TFPI: variants seen among roughly 807,000 people sequenced by gnomAD.
TFPI encodes anti-convertin.
Under a neutral mutation model 34.6 loss-of-function variants are expected in TFPI, and 15 were observed. That is an observed-to-expected ratio of 0.43 (90% CI 0.29 to 0.67). The LOEUF is 0.67. Ranked by LOEUF, TFPI falls within the 30% of genes least tolerant of loss-of-function variation. The pLI is 0.15. For synonymous variants in TFPI, 105 were observed against 120.1 expected, an observed-to-expected ratio of 0.87 and a Z score of 0.82; for missense variants, 301 against 364.0, an observed-to-expected ratio of 0.83 and a Z score of 1.41.
intron 7 of TFPI, among the ~76,000 whole-genome samples, chr2:187,467,378 C>CTAAG (rs1224842235): frequency 2.0e-5 from 3 of 151,878 alleles, no homozygotes; most frequent in Non-Finnish European, 2.9e-5. Context: ...TTTTTATACT[C>CTAAG]TTCTTAGTCT....
intron 6 of TFPI, chr2:187,478,630 A>G (rs776930388): frequency 1.9e-6 from 3 of 1,591,566 alleles, no homozygotes; most frequent in Non-Finnish European, 2.6e-6. Context: ...TATCAAAGGC[A>G]TCACGTATAC....
At chr2:187,472,300 A>G (rs373451841) in intron 6 of TFPI, among the ~76,000 whole-genome samples, 1 of 152,194 alleles carries the variant, frequency 6.6e-6, no homozygotes, top group Admixed American at 6.5e-5. Flanking sequence ...TCAAATGGAC[A>G]TATGGATTAT....
intron 1 of TFPI, among the ~76,000 whole-genome samples, chr2:187,536,844 T>G (rs1409111658): frequency 6.6e-6 from 1 of 152,206 alleles, no homozygotes; most frequent in East Asian, 1.9e-4. Context: ...CACCATCATC[T>G]CAGTCCAAAA....
rs1330006832 is a variant in TFPI at position 187,467,893 on chromosome 2, C to T, written c.668G>A (p.Arg223Lys). 1.9e-6 allele frequency: 3 copies of T among 1,608,072 alleles called. No homozygotes were observed. Among genetic ancestry groups the T allele is most frequent in the East Asian group, 4.5e-5 (2 of 44,648 alleles). Residue 223 changes from arginine (R) to lysine (K), a missense_variant, in exon 7 of 8, where the codon AGA becomes AAA. Arg to Lys is a conservative substitution (Grantham distance 26). Coordinates refer to ENST00000233156, the MANE Select transcript of TFPI (RefSeq NM_006287.6). ...GPSWCLTPAD[R>K]GLCRANENRF... Reference sequence around the variant, plus strand: ...GTTCTCATTGGCACGACACAATCCTCTGTCTGCTGGAGTGAGACACCATGA... The same window carrying T: ...GTTCTCATTGGCACGACACAATCCTTTGTCTGCTGGAGTGAGACACCATGA...
intron 1 of TFPI, chr2:187,515,804 A>C (rs1686965212): frequency 6.6e-6 from 1 of 152,206 alleles, no homozygotes; most frequent in Non-Finnish European, 1.5e-5. Context: ...GTTTAATGCT[A>C]TTCTATACAA....
chr2:187,551,047 G>A (rs1689077824), intron 1 of TFPI, among the ~76,000 whole-genome samples: 1 of 152,106 alleles, frequency 6.6e-6, no homozygotes, highest in African/African-American at 2.4e-5. Context: ...AAGGCACATT[G>A]TGCTTGGTAA....
At chr2:187,507,488 A>G (rs2106140269) in intron 1 of TFPI, among the ~76,000 whole-genome samples, 1 of 152,302 alleles carries the variant, frequency 6.6e-6, no homozygotes, top group East Asian at 1.9e-4. Context: ...ACTCCCAACA[A>G]CAGTATAAAA....
chr2:187,478,556 G>C (rs1199429503), intron 6 of TFPI: 25 of 1,312,368 alleles, frequency 1.9e-5, no homozygotes, highest in Non-Finnish European at 2.5e-5. Flanking sequence ...ATTTACAAGT[G>C]AGGTGCAGTG....
intron 7 of TFPI, 69 bp downstream of exon 7, chr2:187,467,684 T>G: frequency 7.5e-7 from 1 of 1,330,950 alleles, no homozygotes; most frequent in East Asian, 2.5e-5. Flanking sequence ...CATATCTTAA[T>G]AGATTATCAT....
chr2:187,475,843 A>C (rs1692338081), intron 6 of TFPI, among the ~76,000 whole-genome samples: 1 of 152,208 alleles, frequency 6.6e-6, no homozygotes, highest in Non-Finnish European at 1.5e-5. Flanking sequence ...GATAAAAATA[A>C]AATTGTCACA....
chr2:187,481,083 T>G (rs955286457), intron 6 of TFPI, among the ~76,000 whole-genome samples: 10 of 152,034 alleles, frequency 6.6e-5, no homozygotes, highest in African/African-American at 2.4e-4. Context: ...ATATTTCACT[T>G]AATAATAATT....
At chr2:187,529,050 A>G (rs1024403240) in intron 1 of TFPI, among the ~76,000 whole-genome samples, 1 of 152,170 alleles carries the variant, frequency 6.6e-6, no homozygotes, top group African/African-American at 2.4e-5. Flanking sequence ...CTGAACATAC[A>G]ATATTATAAA....
intron 1 of TFPI, among the ~76,000 whole-genome samples, chr2:187,521,550 C>T (rs577275276): frequency 4.6e-5 from 7 of 152,098 alleles, no homozygotes; most frequent in South Asian, 2.1e-4. Flanking sequence ...TTTACATCCC[C>T]GCCAACAATT....
intron 1 of TFPI, among the ~76,000 whole-genome samples, chr2:187,508,937 A>C (rs1686426862): frequency 6.6e-6 from 1 of 152,170 alleles, no homozygotes; most frequent in Non-Finnish European, 1.5e-5. Flanking sequence ...TGAGTTTGTC[A>C]TAAATAGTTA....
At chr2:187,493,600 G>T (rs1685266736) in intron 3 of TFPI, among the ~76,000 whole-genome samples, 1 of 151,992 alleles carries the variant, frequency 6.6e-6, no homozygotes, top group African/African-American at 2.4e-5. Context: ...ATACTTTTAT[G>T]CTCTGTTTCT....
chr2:187,519,829 T>G (rs756928836), intron 1 of TFPI: 1 of 152,210 alleles, frequency 6.6e-6, no homozygotes, highest in Non-Finnish European at 1.5e-5. Context: ...TGCCTTTTTT[T>G]CCAGAGATGC....
chr2:187,524,909 T>A (rs1316380727), intron 1 of TFPI, among the ~76,000 whole-genome samples: 1 of 151,780 alleles, frequency 6.6e-6, no homozygotes, highest in African/African-American at 2.4e-5. Flanking sequence ...GAAATGTGAG[T>A]CTGTGGGAAA....
At chr2:187,469,344 G>A (rs1170760205) in intron 6 of TFPI, among the ~76,000 whole-genome samples, 2 of 152,042 alleles carry the variant, frequency 1.3e-5, no homozygotes, top group African/African-American at 4.8e-5. Flanking sequence ...TTAGGTCTTT[G>A]ACTAGGTATA....
In TFPI at chr2:187,466,713, T is replaced by C. The variant is rs1691734433; in HGVS notation, c.*223A>G. On this transcript the variant is annotated 3_prime_UTR_variant, in exon 8 of 8. Transcript: ENST00000233156. ...AATACAGATAGATCCAGAAAATAAG[T>C]AATTTCCCAGTAGCCAGTTAATAAA... 3.5e-6 allele frequency: 1 copy of C among 289,418 alleles called. No individual in the cohort carries two copies. Among genetic ancestry groups the C allele is most frequent in the Non-Finnish European group, 6.6e-6 (1 of 151,392 alleles). 17.9% of individuals were successfully genotyped at this position (289,418 alleles called of 1,614,324 possible). A position where few individuals can be genotyped will look rare whatever the true frequency, so the allele number is the denominator to read the frequency against.
Sources: gnomAD v4.1 joint callset for allele counts (sites outside exome capture counted in the v4.1 genomes callset) on GRCh38, gnomAD v4.1.1 for gene constraint, MANE v1.5 for transcripts, NCBI Gene and HGNC (gene_info 2026-07-23, HGNC 2026-07-21) for gene names.